The following SCFD2 variants were observed in gnomAD, a reference collection of about 807,000 sequenced individuals.
The protein encoded by SCFD2 is sec1 family domain containing 2.
SCFD2 carries 54 observed loss-of-function variants against 58.9 expected under a neutral mutation model. The ratio of observed to expected loss-of-function variants is 0.92; its 90% confidence interval spans 0.74 to 1.15. SCFD2 has a LOEUF of 1.15. Ranked by LOEUF, SCFD2 falls within the 50% of genes most tolerant of loss-of-function variation. SCFD2 has a pLI of 0.00. For synonymous variants in SCFD2, 321 were observed against 335.9 expected, an observed-to-expected ratio of 0.96 and a Z score of 0.49; for missense variants, 805 against 836.6, an observed-to-expected ratio of 0.96 and a Z score of 0.47.
At chr4:53,229,845 T>C (rs1330227058) in intron 4 of SCFD2, among the ~76,000 whole-genome samples, 2 of 152,034 alleles carry the variant, frequency 1.3e-5, no homozygotes, top group East Asian at 1.9e-4. Context: ...ACCTACAGAA[T>C]GGGAGAAAAT....
intron 5 of SCFD2, among the ~76,000 whole-genome samples, chr4:52,992,635 C>T (rs1171795832): frequency 4.6e-5 from 7 of 150,922 alleles, no homozygotes; most frequent in Admixed American, 1.3e-4. Context: ...GCCTCTGCCC[C>T]GCCACCCCTT....
chr4:53,182,255 C>T (rs1182487499), intron 4 of SCFD2, among the ~76,000 whole-genome samples: 1 of 152,156 alleles, frequency 6.6e-6, no homozygotes, highest in African/African-American at 2.4e-5. Context: ...TCAAACTATA[C>T]TACAAGGCTA....
intron 4 of SCFD2, among the ~76,000 whole-genome samples, chr4:53,216,388 T>G (rs1179584650): frequency 6.6e-6 from 1 of 152,178 alleles, no homozygotes; most frequent in South Asian, 2.1e-4. Context: ...GGTGTATGTG[T>G]CCAGGAATTT....
intron 5 of SCFD2, among the ~76,000 whole-genome samples, chr4:53,110,323 T>C (rs948758464): frequency 4.6e-5 from 7 of 152,122 alleles, no homozygotes; most frequent in African/African-American, 1.7e-4. Flanking sequence ...ATTCAGGAGA[T>C]AGGCATGGGC....
At chr4:53,270,605 A>G (rs1261260374) in intron 4 of SCFD2, among the ~76,000 whole-genome samples, 2 of 152,236 alleles carry the variant, frequency 1.3e-5, no homozygotes, top group African/African-American at 4.8e-5. Flanking sequence ...AAGGCCCAGG[A>G]CAATCAATGA....
At chr4:53,099,821 A>G (rs182169645) in intron 5 of SCFD2, among the ~76,000 whole-genome samples, 1 of 152,242 alleles carries the variant, frequency 6.6e-6, no homozygotes, top group Non-Finnish European at 1.5e-5. Flanking sequence ...TCAAATTTCA[A>G]CATGAGGTTT....
At chr4:53,002,617 T>C (rs1192513541) in intron 5 of SCFD2, among the ~76,000 whole-genome samples, 1 of 152,126 alleles carries the variant, frequency 6.6e-6, no homozygotes. Flanking sequence ...TTTTAGGCAA[T>C]GGGTATAAGG....
At chr4:53,300,145 C>T (rs1307231434) in intron 3 of SCFD2, among the ~76,000 whole-genome samples, 3 of 152,168 alleles carry the variant, frequency 2.0e-5, no homozygotes, top group Non-Finnish European at 4.4e-5. Flanking sequence ...TTAAAAGACA[C>T]AGACTGGCAA....
chr4:52,971,773 C>T (rs1284673499), intron 5 of SCFD2, among the ~76,000 whole-genome samples: 3 of 152,174 alleles, frequency 2.0e-5, no homozygotes, highest in Non-Finnish European at 2.9e-5. Flanking sequence ...AGAGAAAGGT[C>T]GGGTTACCCA....
Position 52,899,975 on chromosome 4 carries a change from T to A in SCFD2, c.1842+7482A>T, listed in dbSNP as rs560787172. Among the ~76,000 whole-genome samples, 11 of 152,348 alleles carry A rather than the reference T, an allele frequency of 7.2e-5. No individual in the cohort carries two copies. The South Asian group carries it at 2.3e-3, about 32-fold the overall frequency. On this transcript the variant is annotated intron_variant, in intron 7 of 8. Transcript: ENST00000401642. ...TAGGCTTGTGCATTCGTCACGTAGTTCTCGTGCCGTGGTTGTCAGCTCCAT... is the reference window on the plus strand; with the variant it reads ...TAGGCTTGTGCATTCGTCACGTAGTACTCGTGCCGTGGTTGTCAGCTCCAT...
intron 2 of SCFD2, among the ~76,000 whole-genome samples, chr4:53,329,447 G>A (rs554941272): frequency 1.3e-4 from 20 of 151,624 alleles, no homozygotes; most frequent in South Asian, 8.4e-4. Context: ...CCTGACCCCC[G>A]AGCAGCCTAA....
At chr4:53,195,103 G>A (rs1328149004) in intron 4 of SCFD2, among the ~76,000 whole-genome samples, 14 of 152,134 alleles carry the variant, frequency 9.2e-5, no homozygotes, top group Admixed American at 5.2e-4. Context: ...TACAAGGACC[G>A]GCTCTGCCAC....
chr4:53,177,367 C>A (rs1727371467), intron 4 of SCFD2, among the ~76,000 whole-genome samples: 1 of 152,110 alleles, frequency 6.6e-6, no homozygotes, highest in Non-Finnish European at 1.5e-5. Flanking sequence ...AAGTAAAGAC[C>A]ATGCAGAATC....
intron 5 of SCFD2, among the ~76,000 whole-genome samples, chr4:53,085,949 C>T (rs534799297): frequency 3.4e-4 from 52 of 152,080 alleles, no homozygotes; most frequent in African/African-American, 1.2e-3. Context: ...AAGAAAATAC[C>T]GTGGCAACTC....
chr4:53,273,450 G>C (rs938197180), intron 4 of SCFD2: 2 of 157,880 alleles, frequency 1.3e-5, no homozygotes, highest in African/African-American at 4.8e-5. Flanking sequence ...CTAGAAACTA[G>C]GTAATGTCAG....
chr4:53,332,207 A>G (rs1733501503), intron 2 of SCFD2, among the ~76,000 whole-genome samples: 1 of 151,020 alleles, frequency 6.6e-6, no homozygotes, highest in Non-Finnish European at 1.5e-5. Flanking sequence ...AAACTATTCC[A>G]ATCAATAGAA....
At chr4:53,195,742 G>A (rs1025708419) in intron 4 of SCFD2, among the ~76,000 whole-genome samples, 16 of 152,096 alleles carry the variant, frequency 1.1e-4, no homozygotes, top group Admixed American at 4.6e-4. Flanking sequence ...CTGATAACAA[G>A]CCTGAAGAAA....
At position 53,145,711 on chromosome 4, in the gene SCFD2, T is replaced by G. The variant is rs1197875830; in HGVS notation, c.1312-129A>C. The G allele has an allele frequency of 4.7e-6, 4 of 854,140 alleles. No homozygotes were observed. In the East Asian group the frequency reaches 1.1e-4, roughly 23 times the overall value. 52.9% of individuals were successfully genotyped at this position (854,140 alleles called of 1,614,324 possible). On this transcript the variant is annotated intron_variant, in intron 4 of 8. Transcript: ENST00000401642. The stretch of plus-strand genomic sequence containing the variant: ...TTTACTGACTGCATCACTTTTTATT[T>G]GTGTGTTTCTTGTCCTGGAGAGAAT...
chr4:53,335,818 A>G (rs1311155214), intron 2 of SCFD2, among the ~76,000 whole-genome samples: 1 of 152,216 alleles, frequency 6.6e-6, no homozygotes, highest in Non-Finnish European at 1.5e-5. Flanking sequence ...ATTTGGAAAT[A>G]CTACTCTAAG....
Sources: allele counts gnomAD v4.1 joint callset (sites outside exome capture counted in the v4.1 genomes callset), GRCh38; gene constraint gnomAD v4.1.1; transcripts MANE v1.5; gene names NCBI Gene and HGNC (gene_info 2026-07-23, HGNC 2026-07-21).